ST3GAL3: variants seen among roughly 807,000 people sequenced by gnomAD.
ST3GAL3 encodes the protein CMP-N-acetylneuraminate-beta-1,4-galactoside alpha-2,3-sialyltransferase.
Under a neutral mutation model 50.1 loss-of-function variants are expected in ST3GAL3, and 21 were observed. The observed-to-expected ratio is 0.42, with a 90% CI of 0.30 to 0.60. The LOEUF (loss-of-function observed/expected upper bound fraction) is 0.60. ST3GAL3 is among the 20% of genes least tolerant of loss of function. The pLI, the probability that ST3GAL3 is intolerant of heterozygous loss-of-function variation, is 0.19. For missense variants in ST3GAL3, 353 were observed against 489.4 expected (o/e 0.72, Z 2.63); for synonymous variants, 183 against 190.0 (o/e 0.96, Z 0.30).
intron 2 of ST3GAL3, among the ~76,000 whole-genome samples, chr1:43,781,983 C>T (rs1699521304): frequency 1.3e-5 from 2 of 152,164 alleles, no homozygotes; most frequent in South Asian, 4.2e-4. Flanking sequence ...CTGAATTCAG[C>T]TCCCTATTTT....
chr1:43,880,796 G>A (rs1433537762), intron 5 of ST3GAL3, among the ~76,000 whole-genome samples: 1 of 152,152 alleles, frequency 6.6e-6, no homozygotes, highest in Admixed American at 6.6e-5. Context: ...CGGTTAATAC[G>A]AACGAGGATA....
chr1:43,807,254 T>C (rs2059999187), intron 3 of ST3GAL3, among the ~76,000 whole-genome samples: 1 of 151,338 alleles, frequency 6.6e-6, no homozygotes, highest in South Asian at 2.1e-4. Flanking sequence ...CCATCTCTAT[T>C]AAAATACAAA....
rs867193859 is a variant in ST3GAL3 at position 43,811,604 on chromosome 1, C to T, written c.167-3287C>T. Among the ~76,000 whole-genome samples the T allele has an allele frequency of 1.1e-4, 16 of 152,318 alleles. No homozygotes were observed. The Middle Eastern group carries it at 0.031, about 291-fold the overall frequency. ...AGGACCTGAAACGAGCCCACAACAG[C>T]TCCTTCATGCATTAGTTTTTGCCAC... On this transcript the variant is annotated intron_variant, in intron 3 of 11. Coordinates refer to ENST00000347631, the MANE Select transcript of ST3GAL3 (RefSeq NM_006279.5).
intron 2 of ST3GAL3, among the ~76,000 whole-genome samples, chr1:43,766,645 C>G (rs1302040598): frequency 6.6e-6 from 1 of 151,962 alleles, no homozygotes; most frequent in South Asian, 2.1e-4. Flanking sequence ...AGGGCAGAGT[C>G]GATGACAGAA....
At chr1:43,863,895 A>G (rs966870111) in intron 5 of ST3GAL3, among the ~76,000 whole-genome samples, 1 of 152,028 alleles carries the variant, frequency 6.6e-6, no homozygotes, top group Non-Finnish European at 1.5e-5. Flanking sequence ...AGCTCCAGAG[A>G]CCCCAAGTAT....
chr1:43,822,279 T>C (rs768870742), intron 4 of ST3GAL3, among the ~76,000 whole-genome samples: 1 of 152,208 alleles, frequency 6.6e-6, no homozygotes, highest in Non-Finnish European at 1.5e-5. Flanking sequence ...CAAGTGTGAC[T>C]TTCCTGAGCC....
At chr1:43,866,975 C>CA (rs1336852843) in intron 5 of ST3GAL3, among the ~76,000 whole-genome samples, 1 of 152,062 alleles carries the variant, frequency 6.6e-6, no homozygotes, top group Non-Finnish European at 1.5e-5. Context: ...ACTAAAAATA[C>CA]AAAAATTAGC....
intron 2 of ST3GAL3, among the ~76,000 whole-genome samples, chr1:43,741,812 G>A (rs900415878): frequency 5.9e-5 from 9 of 152,210 alleles, no homozygotes; most frequent in African/African-American, 4.8e-5. Context: ...AGGAAAACTC[G>A]AGGTGAGCGC....
intron 5 of ST3GAL3, among the ~76,000 whole-genome samples, chr1:43,876,019 G>A (rs2074052672): frequency 6.6e-6 from 1 of 151,194 alleles, no homozygotes; most frequent in Non-Finnish European, 1.5e-5. Flanking sequence ...CTAGGCTGGA[G>A]TACAGTAGTG....
chr1:43,802,129 A>G (rs935600416), intron 3 of ST3GAL3, among the ~76,000 whole-genome samples: 4 of 152,214 alleles, frequency 2.6e-5, no homozygotes, highest in Non-Finnish European at 5.9e-5. Flanking sequence ...ATTAAAAACT[A>G]GAGCTTGTTT....
intron 5 of ST3GAL3, among the ~76,000 whole-genome samples, chr1:43,864,138 G>A (rs1222700346): frequency 6.6e-6 from 1 of 152,208 alleles, no homozygotes; most frequent in African/African-American, 2.4e-5. Flanking sequence ...AATCAGCCGG[G>A]CATGGTGGCG....
At chr1:43,808,730 T>C (rs2060196772) in intron 3 of ST3GAL3, among the ~76,000 whole-genome samples, 1 of 152,084 alleles carries the variant, frequency 6.6e-6, no homozygotes, top group Admixed American at 6.5e-5. Context: ...GAGAGAGAGC[T>C]CAGGGGATTT....
intron 5 of ST3GAL3, among the ~76,000 whole-genome samples, chr1:43,843,963 A>C (rs543331853): frequency 5.9e-5 from 9 of 152,350 alleles, no homozygotes; most frequent in Admixed American, 3.3e-4. Flanking sequence ...CTCGCCAACC[A>C]GCTATAAGTT....
At chr1:43,731,259 T>G (rs984942598) in intron 1 of ST3GAL3, among the ~76,000 whole-genome samples, 1 of 152,088 alleles carries the variant, frequency 6.6e-6, no homozygotes, top group Non-Finnish European at 1.5e-5. Flanking sequence ...CGCCCAGGCT[T>G]GGAGTGCAGT....
At chr1:43,849,997 T>G (rs1280716171) in intron 5 of ST3GAL3, among the ~76,000 whole-genome samples, 1 of 152,242 alleles carries the variant, frequency 6.6e-6, no homozygotes, top group East Asian at 1.9e-4. Flanking sequence ...CCCCATGGTC[T>G]AAATGATTAT....
chr1:43,771,048 T>A (rs1167017233), intron 2 of ST3GAL3, among the ~76,000 whole-genome samples: 3 of 152,222 alleles, frequency 2.0e-5, no homozygotes, highest in Non-Finnish European at 4.4e-5. Flanking sequence ...CCTTCCTTAA[T>A]CAGATCTTCA....
At position 43,899,718 on chromosome 1, in the gene ST3GAL3, G is replaced by A; in HGVS notation, c.735G>A (p.Lys245=). ...DFKWLKYIVY[K]ERVSASDGFW... ...AGTGGTTGAAATACATCGTCTACAA[G>A]GAGAGAGTGGTAAGCTCTCCTGGCA... Residue 245 remains lysine (K), a synonymous_variant, in exon 9 of 12, where the codon AAG becomes AAA. Coordinates refer to ENST00000347631, the MANE Select transcript of ST3GAL3 (RefSeq NM_006279.5). The surrounding 1 kb of genome is among the most constrained non-coding windows in gnomAD (Gnocchi z 5.4). The A allele has an allele frequency of 6.2e-7, 1 of 1,613,972 alleles. No homozygotes were observed. Among genetic ancestry groups the A allele is most frequent in the Non-Finnish European group, 8.5e-7 (1 of 1,180,022 alleles).
chr1:43,886,043 C>G (rs954873221), intron 5 of ST3GAL3, among the ~76,000 whole-genome samples: 21 of 152,328 alleles, frequency 1.4e-4, no homozygotes, highest in Middle Eastern at 3.4e-3. Flanking sequence ...TATATAGTTT[C>G]AAATAGCTAG....
At chr1:43,787,888 G>A (rs529701209) in intron 2 of ST3GAL3, among the ~76,000 whole-genome samples, 55 of 152,122 alleles carry the variant, frequency 3.6e-4, no homozygotes, top group Admixed American at 1.5e-3. Context: ...TATTGTTGGG[G>A]TATATTTAAG....
Sources: allele counts gnomAD v4.1 joint callset (sites outside exome capture counted in the v4.1 genomes callset), GRCh38; gene constraint gnomAD v4.1.1; non-coding constraint Gnocchi (gnomAD v3.1); transcripts MANE v1.5; gene names NCBI Gene and HGNC (gene_info 2026-07-23, HGNC 2026-07-21).